SYNE3: variants seen among roughly 807,000 people sequenced by gnomAD.
The protein encoded by SYNE3 is nesprin-3.
SYNE3 carries 100 observed loss-of-function variants against 111.2 expected under a neutral mutation model. The ratio of observed to expected loss-of-function variants is 0.90; its 90% CI spans 0.77 to 1.06. The LOEUF (loss-of-function observed/expected upper bound fraction) is 1.06. Among genes scored for constraint, SYNE3 ranks in the 50% least tolerant of loss-of-function variants. The pLI, the probability that SYNE3 is intolerant of heterozygous loss-of-function variation, is 0.00. For missense variants in SYNE3, 1,160 were observed against 1,240.3 expected (o/e 0.94, Z 0.97); for synonymous variants, 547 against 533.9 (o/e 1.02, Z -0.34).
chr14:95,457,583 A>C (rs1216151008), intron 4 of SYNE3, among the ~76,000 whole-genome samples: 1 of 152,220 alleles, frequency 6.6e-6, no homozygotes, highest in Non-Finnish European at 1.5e-5. Context: ...CCCTGTCACT[A>C]TGCAGCTGGC....
Position 95,408,853 on chromosome 14 carries a change from C to T in SYNE3, c.*8973G>A, listed in dbSNP as rs1903355179. The T allele has an allele frequency of 3.1e-6, 1 of 327,116 alleles. No individual in the cohort carries two copies. The allele number at this position is 327,116 out of a possible 1,614,324, so 20.3% of individuals were successfully genotyped here. On this transcript the variant is annotated 3_prime_UTR_variant, in exon 18 of 18. Coordinates refer to ENST00000682763, the MANE Select transcript of SYNE3 (RefSeq NM_152592.6). ...TCAGCAGGCAGAGACCGCGCAAAGC[C>T]AACTCTGTCCTCTGCCTGCCCCCGC...
chr14:95,469,388 T>C (rs940665619), intron 2 of SYNE3, among the ~76,000 whole-genome samples: 2 of 151,954 alleles, frequency 1.3e-5, no homozygotes, highest in Non-Finnish European at 2.9e-5. Flanking sequence ...CCCAGGGTTA[T>C]AATATTAATT....
intron 1 of SYNE3, among the ~76,000 whole-genome samples, chr14:95,478,091 A>G (rs759767050): frequency 1.1e-4 from 17 of 152,104 alleles, no homozygotes; most frequent in Non-Finnish European, 2.4e-4. Flanking sequence ...ATAGCAGATG[A>G]AACCCAGGGA....
chr14:95,465,549 G>A (rs1379505866), intron 4 of SYNE3, among the ~76,000 whole-genome samples: 4 of 152,176 alleles, frequency 2.6e-5, no homozygotes, highest in Non-Finnish European at 4.4e-5. Flanking sequence ...AGATGAATGC[G>A]TGGGCGATTA....
chr14:95,432,633 C>CTAT (rs3036482), intron 16 of SYNE3, among the ~76,000 whole-genome samples: 11,084 of 142,374 alleles, frequency 0.078, 450 homozygotes, highest in African/African-American at 0.088. Context: ...ACTAGTTTTG[C>CTAT]TATTATTATT....
intron 17 of SYNE3, among the ~76,000 whole-genome samples, chr14:95,422,138 CT>C (rs1367175743): frequency 6.6e-6 from 1 of 152,180 alleles, no homozygotes; most frequent in Non-Finnish European, 1.5e-5. Context: ...CCCTGCACCT[CT>C]GGCCATCAGC....
intron 17 of SYNE3, 125 bp from the exon 18 acceptor site, chr14:95,418,151 C>T: frequency 1.1e-6 from 1 of 946,536 alleles, no homozygotes; most frequent in South Asian, 1.4e-5. Context: ...CAGTACACAT[C>T]TCCAGGTTCT....
rs763077143 is a variant in SYNE3, at chr14:95,450,090, G to A, written c.1290C>T (p.Ser430=). 5.7e-6 allele frequency: 9 copies of A among 1,575,686 alleles called. No homozygotes were observed. The Admixed American group carries it at 1.1e-4, about 19-fold the overall frequency. Residue 430 remains serine, a synonymous_variant, in exon 8 of 18, where the codon AGC becomes AGT. Coordinates refer to ENST00000682763, the MANE Select transcript of SYNE3 (RefSeq NM_152592.6). ...CCGCCGCGGCATTGCGCAGCCTCGC[G>A]CTCTTCACCTTCAGGCTGCAAGGAG... ...IQEYQSLKVK[S]ARLRNAAAVE... is the part of the protein sequence containing the mutation.
rs1416026440 is a variant in SYNE3 at position 95,414,391 on chromosome 14, G to A, written c.*3435C>T. ...CCGCCCAAGGGGCTCAAGCACCCAC[G>A]AGCACCAAACGAGCACATTCTTTGT... On this transcript the variant is annotated 3_prime_UTR_variant, in exon 18 of 18. Coordinates refer to ENST00000682763, the MANE Select transcript of SYNE3 (RefSeq NM_152592.6). 2 of 152,182 alleles carry A rather than the reference G, an allele frequency of 1.3e-5. No individual in the cohort carries two copies. The highest frequency in any genetic ancestry group is 4.8e-5 in the African/African-American group (2 of 41,430). 9.4% of individuals were successfully genotyped at this position (152,182 alleles called of 1,614,324 possible).
chr14:95,469,554 A>AG (rs1566674770), intron 2 of SYNE3, among the ~76,000 whole-genome samples: 2 of 141,174 alleles, frequency 1.4e-5, no homozygotes, highest in African/African-American at 5.2e-5. Flanking sequence ...AAAAAAAAAA[A>AG]TTAAAAATTA....
At chr14:95,474,698 C>T (rs1395715009) in intron 2 of SYNE3, among the ~76,000 whole-genome samples, 2 of 152,184 alleles carry the variant, frequency 1.3e-5, no homozygotes, top group Non-Finnish European at 2.9e-5. Context: ...CCACGGTCCA[C>T]TTCCAGAAAG....
chr14:95,446,515 G>A (rs2139411444), intron 8 of SYNE3, among the ~76,000 whole-genome samples: 1 of 152,268 alleles, frequency 6.6e-6, no homozygotes, highest in East Asian at 1.9e-4. Flanking sequence ...CCTAGACCCA[G>A]CCAGCTTGAT....
chr14:95,445,813 G>T (rs1886679043), intron 9 of SYNE3, 96 bp downstream of exon 9: 2 of 1,371,732 alleles, frequency 1.5e-6, no homozygotes, highest in East Asian at 4.6e-5. Flanking sequence ...GCAAGCGGCA[G>T]AGCTGAGTTT....
At chr14:95,431,574 G>C (rs190496390) in intron 17 of SYNE3, among the ~76,000 whole-genome samples, 29 of 152,306 alleles carry the variant, frequency 1.9e-4, no homozygotes, top group African/African-American at 6.7e-4. Context: ...GAGTGACTCT[G>C]AGCACGGCTC....
At chr14:95,429,223 C>A (rs868172217) in intron 17 of SYNE3, among the ~76,000 whole-genome samples, 1 of 152,244 alleles carries the variant, frequency 6.6e-6, no homozygotes, top group Non-Finnish European at 1.5e-5. Context: ...CTCCCAGGTC[C>A]CCATTCACAC....
At position 95,455,424 on chromosome 14, in the gene SYNE3, T is replaced by C. The variant is rs1366168226; in HGVS notation, c.1090A>G (p.Lys364Glu). The change falls in exon 6 of 18, where the codon AAA becomes GAA. Residue 364 changes from lysine (K) to glutamate (E), a missense_variant. Lys to Glu is a moderately conservative substitution (Grantham distance 56, BLOSUM62 1). Transcript: ENST00000682763. Reference sequence around the variant, plus strand: ...ACCAGCTCGTCCTCGGTCCCCGCTTTCGCCGCAGGCTGCAGGCCCTCCTGG... The same window carrying C: ...ACCAGCTCGTCCTCGGTCCCCGCTTCCGCCGCAGGCTGCAGGCCCTCCTGG... ...LAQEGLQPAAKAGTEDELVAH... is the reference protein window; with the variant it reads ...LAQEGLQPAAEAGTEDELVAH... 1.9e-6 allele frequency: 3 copies of C among 1,574,014 alleles called. No homozygotes were observed. The highest frequency in any genetic ancestry group is 2.6e-6 in the Non-Finnish European group (3 of 1,161,088).
intron 6 of SYNE3, among the ~76,000 whole-genome samples, chr14:95,453,248 G>A (rs1887202364): frequency 6.6e-6 from 1 of 152,148 alleles, no homozygotes; most frequent in African/African-American, 2.4e-5. Flanking sequence ...GGATGCATTA[G>A]TCCCTCCCCA....
At chr14:95,448,348 G>C (rs920889390) in intron 8 of SYNE3, among the ~76,000 whole-genome samples, 16 of 152,164 alleles carry the variant, frequency 1.1e-4, no homozygotes, top group African/African-American at 3.9e-4. Context: ...TGGGAGAAGG[G>C]GCCCACTGGA....
intron 4 of SYNE3, among the ~76,000 whole-genome samples, chr14:95,461,396 T>C (rs1887807510): frequency 6.6e-6 from 1 of 152,188 alleles, no homozygotes; most frequent in East Asian, 1.9e-4. Context: ...GCAGCCAGCC[T>C]GCCCTGTCTA....
Sources: gnomAD v4.1 joint callset for allele counts (sites outside exome capture counted in the v4.1 genomes callset) on GRCh38, gnomAD v4.1.1 for gene constraint, MANE v1.5 for transcripts, NCBI Gene and HGNC (gene_info 2026-07-23, HGNC 2026-07-21) for gene names.